Variants in MAGI1 observed in about 807,000 individuals in gnomAD.
MAGI1 encodes the protein membrane-associated guanylate kinase, WW and PDZ domain-containing protein 1.
Under a neutral mutation model 139.9 loss-of-function variants are expected in MAGI1, and 58 were observed. That is an observed-to-expected ratio of 0.41 (90% CI 0.34 to 0.52). The LOEUF is 0.52. Among genes scored for constraint, MAGI1 ranks in the 20% least tolerant of loss-of-function variants. The pLI is 0.12. For missense variants in MAGI1, 1,874 were observed against 1,901.6 expected, an observed-to-expected ratio of 0.99 and a Z score of 0.27; for synonymous variants, 812 against 737.9, an observed-to-expected ratio of 1.10 and a Z score of -1.63.
rs746933047 is a variant in MAGI1, at chr3:65,445,420, C to T, written c.1079-2571G>A. On this transcript the variant is annotated intron_variant, in intron 7 of 22. Transcript: ENST00000402939. ...ATGTCTGTGGCCTGTGTACTTGCTA[C>T]TCCTGCCTCTGAAAATCTCATGCTG... Among the ~76,000 whole-genome samples, 5 of 152,332 alleles carry T rather than the reference C, an allele frequency of 3.3e-5. No homozygotes were observed. In the South Asian group the frequency reaches 1.0e-3, roughly 32 times the overall value.
intron 1 of MAGI1, among the ~76,000 whole-genome samples, chr3:65,668,729 C>T (rs545729014): frequency 1.2e-4 from 18 of 151,380 alleles, no homozygotes; most frequent in Admixed American, 2.6e-4. Context: ...AATTTTTGTA[C>T]TTTTAGTAGA....
intron 1 of MAGI1, among the ~76,000 whole-genome samples, chr3:65,861,503 T>C (rs2059555076): frequency 6.6e-6 from 1 of 152,124 alleles, no homozygotes; most frequent in African/African-American, 2.4e-5. Flanking sequence ...ACACCTCTTG[T>C]ATATAAACCA....
intron 1 of MAGI1, among the ~76,000 whole-genome samples, chr3:65,936,234 A>G (rs1365486368): frequency 1.3e-5 from 2 of 152,206 alleles, no homozygotes; most frequent in African/African-American, 4.8e-5. Context: ...AGGCCCTAGA[A>G]ATAACAGGAA....
At chr3:65,774,073 T>C (rs2038177873) in intron 1 of MAGI1, among the ~76,000 whole-genome samples, 1 of 150,902 alleles carries the variant, frequency 6.6e-6, no homozygotes, top group African/African-American at 2.4e-5. Flanking sequence ...CACATGGGCA[T>C]CTGTTTCCAT....
chr3:65,767,124 G>A (rs1478074746), intron 1 of MAGI1, among the ~76,000 whole-genome samples: 2 of 152,084 alleles, frequency 1.3e-5, no homozygotes, highest in Non-Finnish European at 2.9e-5. Flanking sequence ...GTTCTGTCTG[G>A]CTAGCATGAA....
At chr3:65,755,925 C>G (rs2036527905) in intron 1 of MAGI1, among the ~76,000 whole-genome samples, 1 of 152,162 alleles carries the variant, frequency 6.6e-6, no homozygotes, top group Non-Finnish European at 1.5e-5. Context: ...AAATCAAAAT[C>G]TGTCATTTCT....
At chr3:65,952,810 T>A (rs1426385145) in intron 1 of MAGI1, among the ~76,000 whole-genome samples, 3 of 152,152 alleles carry the variant, frequency 2.0e-5, no homozygotes, top group African/African-American at 7.2e-5. Flanking sequence ...CGAGACTTCA[T>A]CTCAAAAACA....
At chr3:65,951,011 GGAAGGAAGGAAGGAAGGAAGGAAGGA>G (rs1560047070) in intron 1 of MAGI1, among the ~76,000 whole-genome samples, 2,408 of 130,674 alleles carry the variant, frequency 0.018, 172 homozygotes, top group Non-Finnish European at 0.03. Context: ...AAGGAAGGAA[GGAAGGAAGGAAGGAAGGAAGGAAGGA>G]AAGGAGGGAG....
At chr3:65,503,004 G>C (rs1207265192) in intron 2 of MAGI1, among the ~76,000 whole-genome samples, 1 of 151,960 alleles carries the variant, frequency 6.6e-6, no homozygotes, top group Non-Finnish European at 1.5e-5. Context: ...GACTCAAAAG[G>C]GTCACGTGAA....
intron 1 of MAGI1, chr3:65,873,081 G>A (rs2059993435): frequency 6.6e-6 from 1 of 152,162 alleles, no homozygotes; most frequent in Non-Finnish European, 1.5e-5. Context: ...AAGAACAAAG[G>A]TAATAAAAAT....
At chr3:65,536,350 G>A (rs1014279157) in intron 2 of MAGI1, among the ~76,000 whole-genome samples, 18 of 152,210 alleles carry the variant, frequency 1.2e-4, no homozygotes, top group African/African-American at 4.3e-4. Context: ...TAATATGAAT[G>A]AAAATAAAAA....
intron 2 of MAGI1, among the ~76,000 whole-genome samples, chr3:65,585,828 T>C (rs1222285424): frequency 6.6e-6 from 1 of 152,158 alleles, no homozygotes; most frequent in Non-Finnish European, 1.5e-5. Context: ...CTACTGCCCT[T>C]TAACTGGTGA....
At chr3:65,804,177 T>C (rs1308906011) in intron 1 of MAGI1, among the ~76,000 whole-genome samples, 2 of 151,834 alleles carry the variant, frequency 1.3e-5, no homozygotes, top group South Asian at 2.1e-4. Flanking sequence ...GCTCCTCCAA[T>C]GGCCTGGCAG....
At chr3:65,825,263 T>G (rs535950112) in intron 1 of MAGI1, among the ~76,000 whole-genome samples, 1 of 152,354 alleles carries the variant, frequency 6.6e-6, no homozygotes, top group South Asian at 2.1e-4. Flanking sequence ...GCAGGGACTC[T>G]TCTCATCTTT....
intron 1 of MAGI1, among the ~76,000 whole-genome samples, chr3:66,016,630 A>C (rs1423645511): frequency 6.6e-6 from 1 of 152,220 alleles, no homozygotes; most frequent in African/African-American, 2.4e-5. Context: ...GTCAGGCAAA[A>C]CTGAGCAAGA....
chr3:65,724,215 A>C (rs2033366502), intron 1 of MAGI1, among the ~76,000 whole-genome samples: 2 of 152,350 alleles, frequency 1.3e-5, no homozygotes, highest in Non-Finnish European at 2.9e-5. Flanking sequence ...TAATGTAGTC[A>C]TGGAGAGGGA....
intron 1 of MAGI1, among the ~76,000 whole-genome samples, chr3:65,913,761 C>G (rs1023323441): frequency 6.6e-6 from 1 of 152,162 alleles, no homozygotes; most frequent in Non-Finnish European, 1.5e-5. Context: ...CAGCAGAAGA[C>G]AGTTAACAGA....
chr3:65,916,233 G>C (rs1298661625), intron 1 of MAGI1, among the ~76,000 whole-genome samples: 1 of 151,800 alleles, frequency 6.6e-6, no homozygotes, highest in Non-Finnish European at 1.5e-5. Context: ...CACCCAACCA[G>C]TTTTTTTGTA....
chr3:65,838,913 G>C (rs2058717044), intron 1 of MAGI1, among the ~76,000 whole-genome samples: 1 of 152,106 alleles, frequency 6.6e-6, no homozygotes, highest in South Asian at 2.1e-4. Flanking sequence ...TTTTATTTCA[G>C]CTGTTCTCTG....
Sources: allele counts gnomAD v4.1 joint callset (sites outside exome capture counted in the v4.1 genomes callset), GRCh38; gene constraint gnomAD v4.1.1; transcripts MANE v1.5; gene names NCBI Gene and HGNC (gene_info 2026-07-23, HGNC 2026-07-21).